Variants in TMEM108 observed in about 807,000 individuals in gnomAD.
The protein encoded by TMEM108 is cancer/testis antigen 124.
A neutral mutation model predicts 35.1 loss-of-function variants in TMEM108; 12 were observed. The ratio of observed to expected loss-of-function variants is 0.34; its 90% CI spans 0.22 to 0.55. The LOEUF (loss-of-function observed/expected upper bound fraction) is 0.55, where lower values mean the gene tolerates loss of function less well. Ranked by LOEUF, TMEM108 falls within the 20% of genes least tolerant of loss-of-function variation. The pLI is 0.89. For missense variants in TMEM108, 680 were observed against 753.3 expected, an observed-to-expected ratio of 0.90 and a Z score of 1.14; for synonymous variants, 287 against 308.6, an observed-to-expected ratio of 0.93 and a Z score of 0.73.
intron 4 of TMEM108, chr3:133,388,266 G>A: frequency 2.0e-6 from 2 of 985,370 alleles, no homozygotes; most frequent in Non-Finnish European, 2.4e-6. Flanking sequence ...TGACAATGAA[G>A]AACAGAGACA....
chr3:133,040,180 TCA>T (rs1943255551), intron 1 of TMEM108, among the ~76,000 whole-genome samples: 1 of 148,504 alleles, frequency 6.7e-6, no homozygotes, highest in African/African-American at 2.5e-5. Context: ...AAAAACTTTA[TCA>T]CAGTTTTTTT....
At chr3:133,086,478 G>A (rs1943882977) in intron 2 of TMEM108, among the ~76,000 whole-genome samples, 1 of 152,054 alleles carries the variant, frequency 6.6e-6, no homozygotes, top group Non-Finnish European at 1.5e-5. Flanking sequence ...ATATGTGTCT[G>A]CTTCATTTCT....
chr3:133,274,577 T>C lies in TMEM108; in HGVS notation c.40+45226T>C, dbSNP rs575126715. On this transcript the variant is annotated intron_variant, in intron 3 of 5. Coordinates refer to ENST00000321871, the MANE Select transcript of TMEM108 (RefSeq NM_023943.4). ...TTTGTCCCCCAAAGTGTTTCATTCT[T>C]TTTCCCTTGTAGATTTGTTTCTCTG... 6.6e-5 allele frequency among the ~76,000 whole-genome samples: 10 copies of C among 152,336 alleles called. No individual in the cohort carries two copies. In the East Asian group the frequency reaches 1.7e-3, roughly 26 times the overall value.
intron 2 of TMEM108, chr3:133,192,748 C>T (rs9852954): frequency 0.25 from 37,816 of 152,132 alleles, 4,976 homozygotes; most frequent in Middle Eastern, 0.38. Flanking sequence ...CTCCAGGCTT[C>T]TTTGTGAGTA....
intron 3 of TMEM108, among the ~76,000 whole-genome samples, chr3:133,375,177 C>T (rs1003362164): frequency 1.3e-5 from 2 of 152,202 alleles, no homozygotes; most frequent in African/African-American, 4.8e-5. Flanking sequence ...CCCTTGTTGC[C>T]TTTGCCAGAT....
chr3:133,108,280 G>GT (rs1189889569), intron 2 of TMEM108, among the ~76,000 whole-genome samples: 3 of 152,184 alleles, frequency 2.0e-5, no homozygotes, highest in African/African-American at 7.2e-5. Context: ...TCCAGCACCT[G>GT]TTTTTTCCTG....
At chr3:133,188,653 G>A (rs1289986950) in intron 2 of TMEM108, among the ~76,000 whole-genome samples, 3 of 152,100 alleles carry the variant, frequency 2.0e-5, no homozygotes, top group African/African-American at 7.2e-5. Flanking sequence ...TCCTAAGGTA[G>A]GCTAAGCTCA....
At chr3:133,390,958 T>C (rs1197295) in intron 5 of TMEM108, among the ~76,000 whole-genome samples, 138,389 of 152,234 alleles carry the variant, frequency 0.91, 63,094 homozygotes, top group East Asian at 0.99. Context: ...GTGAGTGAGC[T>C]GAGCTTTGAA....
At chr3:133,080,348 A>G (rs746321579) in intron 2 of TMEM108, among the ~76,000 whole-genome samples, 18 of 152,226 alleles carry the variant, frequency 1.2e-4, no homozygotes, top group Admixed American at 2.0e-4. Context: ...TAACTTCCAG[A>G]GGCCTCAAAA....
chr3:133,348,115 GA>G lies in TMEM108; in HGVS notation c.41-31636del, dbSNP rs138844495. ...GATATTTTTGAAAAACAAGAGTAAT[GA>G]GGGGGGGGCCAGATTTGCTTTACCA... is the stretch of plus-strand genomic sequence containing the variant. On this transcript the variant is annotated intron_variant, in intron 3 of 5. Transcript: ENST00000321871. Among the ~76,000 whole-genome samples, 1,379 of 148,110 alleles carry G rather than the reference GA, an allele frequency of 9.3e-3. 19 individuals carry two copies. Among genetic ancestry groups the G allele is most frequent in the African/African-American group, 0.027 (1,039 of 37,980 alleles).
chr3:133,396,439 CAG>C lies in TMEM108; in HGVS notation c.*454_*455del, dbSNP rs1197529522. The C allele has an allele frequency of 6.6e-6, 1 of 152,510 alleles. No homozygotes were observed. Among genetic ancestry groups the C allele is most frequent in the African/African-American group, 2.4e-5 (1 of 41,422 alleles). 9.4% of individuals were successfully genotyped at this position (152,510 alleles called of 1,614,324 possible). A position where few individuals can be genotyped will look rare whatever the true frequency, so the allele number is the denominator to read the frequency against. On this transcript the variant is annotated 3_prime_UTR_variant, in exon 6 of 6. Coordinates refer to ENST00000321871, the MANE Select transcript of TMEM108 (RefSeq NM_023943.4). ...ACCTGTAAAGGGAACTGGACCGCCTCAGGGGAAGACGGCAGACTCATGCACAG... is the reference window on the plus strand; with the variant it reads ...ACCTGTAAAGGGAACTGGACCGCCTCGGGAAGACGGCAGACTCATGCACAG...
At chr3:133,319,358 T>C (rs751271654) in intron 3 of TMEM108, among the ~76,000 whole-genome samples, 3 of 152,172 alleles carry the variant, frequency 2.0e-5, no homozygotes, top group Non-Finnish European at 4.4e-5. Flanking sequence ...AGGGCAAGCT[T>C]ATATCCCACT....
chr3:133,178,812 A>G (rs1460041514), intron 2 of TMEM108, among the ~76,000 whole-genome samples: 2 of 152,204 alleles, frequency 1.3e-5, no homozygotes, highest in Non-Finnish European at 2.9e-5. Flanking sequence ...GACAGATGGG[A>G]TCTAATTAAA....
chr3:133,171,781 A>G (rs1282879729), intron 2 of TMEM108, among the ~76,000 whole-genome samples: 1 of 152,172 alleles, frequency 6.6e-6, no homozygotes, highest in Admixed American at 6.5e-5. Flanking sequence ...TTATGAGAGG[A>G]CTCCATTAAG....
intron 2 of TMEM108, among the ~76,000 whole-genome samples, chr3:133,169,942 G>T (rs963484123): frequency 6.6e-6 from 1 of 152,154 alleles, no homozygotes; most frequent in Admixed American, 6.5e-5. Flanking sequence ...ACAAGGGCGG[G>T]ATCAGATACT....
chr3:133,356,209 C>T (rs991121587), intron 3 of TMEM108, among the ~76,000 whole-genome samples: 16 of 151,958 alleles, frequency 1.1e-4, no homozygotes, highest in African/African-American at 2.9e-4. Flanking sequence ...ATCAAGAACT[C>T]GATCACTTTT....
At chr3:133,055,852 A>T (rs963757289) in intron 2 of TMEM108, among the ~76,000 whole-genome samples, 1 of 152,204 alleles carries the variant, frequency 6.6e-6, no homozygotes, top group African/African-American at 2.4e-5. Context: ...TTTCTTTTCC[A>T]CTGGAAAGAA....
intron 3 of TMEM108, among the ~76,000 whole-genome samples, chr3:133,351,161 C>T (rs747752770): frequency 3.9e-5 from 6 of 152,194 alleles, no homozygotes; most frequent in East Asian, 3.8e-4. Flanking sequence ...ACTGGCCTTT[C>T]GTTCCAGCAC....
chr3:133,190,095 G>A (rs1054382895), intron 2 of TMEM108, among the ~76,000 whole-genome samples: 2 of 150,032 alleles, frequency 1.3e-5, no homozygotes, highest in African/African-American at 2.5e-5. Context: ...GCACTGCAAG[G>A]AAAAAAAAAA....
Sources: gnomAD v4.1 joint callset for allele counts (sites outside exome capture counted in the v4.1 genomes callset) on GRCh38, gnomAD v4.1.1 for gene constraint, MANE v1.5 for transcripts, NCBI Gene and HGNC (gene_info 2026-07-23, HGNC 2026-07-21) for gene names.